The following STXBP4 variants were observed in gnomAD, a reference collection of about 807,000 sequenced individuals.
The protein encoded by STXBP4 is syntaxin-binding protein 4.
Under a neutral mutation model 76.1 loss-of-function variants are expected in STXBP4, and 55 were observed. That is an observed-to-expected ratio of 0.72 (90% CI 0.58 to 0.91). STXBP4 has a LOEUF of 0.91. Among genes scored for constraint, STXBP4 ranks in the 40% least tolerant of loss-of-function variants. The pLI is 0.00. For synonymous variants in STXBP4, 201 were observed against 220.2 expected, an observed-to-expected ratio of 0.91 and a Z score of 0.77; for missense variants, 618 against 636.9, an observed-to-expected ratio of 0.97 and a Z score of 0.32.
chr17:55,156,227 A>C (rs780295653), intron 17 of STXBP4, among the ~76,000 whole-genome samples: 1 of 152,188 alleles, frequency 6.6e-6, no homozygotes, highest in Non-Finnish European at 1.5e-5. Flanking sequence ...TTTATGAACC[A>C]TGGGGTCTTT....
intron 12 of STXBP4, among the ~76,000 whole-genome samples, chr17:55,063,964 G>A (rs1567744705): frequency 6.6e-6 from 1 of 152,114 alleles, no homozygotes; most frequent in Non-Finnish European, 1.5e-5. Context: ...TACCCAAGGA[G>A]GAAGTAGTGA....
At chr17:55,147,398 C>T (rs244322) in intron 17 of STXBP4, among the ~76,000 whole-genome samples, 51,742 of 152,092 alleles carry the variant, frequency 0.34, 9,224 homozygotes, top group African/African-American at 0.46. Flanking sequence ...CAGTAGTACT[C>T]GCTTGCCCGG....
intron 9 of STXBP4, among the ~76,000 whole-genome samples, chr17:55,032,215 A>G (rs1366327897): frequency 6.6e-6 from 1 of 152,128 alleles, no homozygotes; most frequent in East Asian, 1.9e-4. Flanking sequence ...TAGATGTAAC[A>G]TTGTATTATT....
intron 16 of STXBP4, among the ~76,000 whole-genome samples, chr17:55,112,055 A>G (rs1343805261): frequency 6.6e-6 from 1 of 151,690 alleles, no homozygotes; most frequent in Non-Finnish European, 1.5e-5. Flanking sequence ...AACTAGGACT[A>G]TAGGTGCACA....
chr17:55,170,301 A>T lies in STXBP4; in HGVS notation c.*10390A>T, dbSNP rs1202272641. 6.6e-6 allele frequency: 1 copy of T among 152,222 alleles called. No homozygotes were observed. Among genetic ancestry groups the T allele is most frequent in the African/African-American group, 2.4e-5 (1 of 41,462 alleles). 9.4% of individuals were successfully genotyped at this position (152,222 alleles called of 1,614,324 possible). ...TAAATAAAATATGGTATCTAACATG[A>T]TAGAAAATGTTTACTAATGTTTAAT... On this transcript the variant is annotated 3_prime_UTR_variant, in exon 18 of 18. Transcript: ENST00000376352.
chr17:55,165,069 C>T lies in STXBP4; in HGVS notation c.*5158C>T, dbSNP rs1448755852. The T allele has an allele frequency of 1.3e-5, 2 of 152,164 alleles. No individual in the cohort carries two copies. Among genetic ancestry groups the T allele is most frequent in the East Asian group, 3.9e-4 (2 of 5,194 alleles). The allele number at this position is 152,164 out of a possible 1,614,324, so 9.4% of individuals were successfully genotyped here. On this transcript the variant is annotated 3_prime_UTR_variant, in exon 18 of 18. Coordinates refer to ENST00000376352, the MANE Select transcript of STXBP4 (RefSeq NM_178509.6). ...CATTCTTTATCAGATATTTGAACTA[C>T]TGGACCATTTAATGTTCATTACGTT...
At chr17:55,013,377 T>C (rs568203488) in intron 8 of STXBP4, among the ~76,000 whole-genome samples, 2 of 152,250 alleles carry the variant, frequency 1.3e-5, no homozygotes, top group Non-Finnish European at 2.9e-5. Context: ...TAAATGGGTA[T>C]TGGCTTTCTG....
At chr17:55,111,361 TA>T (rs1270030274) in intron 16 of STXBP4, among the ~76,000 whole-genome samples, 3 of 152,218 alleles carry the variant, frequency 2.0e-5, no homozygotes, top group African/African-American at 7.2e-5. Flanking sequence ...AGTGTTTTTG[TA>T]GTTCTTTAAA....
At chr17:55,054,278 GA>G (rs1295798714) in intron 12 of STXBP4, among the ~76,000 whole-genome samples, 1 of 152,188 alleles carries the variant, frequency 6.6e-6, no homozygotes, top group African/African-American at 2.4e-5. Context: ...CTTGAGGCCA[GA>G]AGTTCAAAAC....
At chr17:55,070,148 A>G (rs1031260254) in intron 12 of STXBP4, among the ~76,000 whole-genome samples, 17 of 152,164 alleles carry the variant, frequency 1.1e-4, no homozygotes, top group African/African-American at 4.1e-4. Context: ...TAGACTGCCA[A>G]ATCTTAGCTC....
intron 10 of STXBP4, among the ~76,000 whole-genome samples, chr17:55,041,681 G>A (rs1371410873): frequency 6.6e-6 from 1 of 152,178 alleles, no homozygotes; most frequent in Admixed American, 6.5e-5. Flanking sequence ...GCAGGGTAAG[G>A]AGGTTGGGGG....
chr17:55,049,892 G>C (rs2078837096), intron 12 of STXBP4, among the ~76,000 whole-genome samples: 2 of 152,012 alleles, frequency 1.3e-5, no homozygotes, highest in African/African-American at 4.8e-5. Flanking sequence ...AAAAGGACCA[G>C]GCAAGATGGT....
downstream of STXBP4, among the ~76,000 whole-genome samples, chr17:55,177,465 A>G (rs192338230): frequency 1.1e-3 from 169 of 152,340 alleles, 4 homozygotes; most frequent in Admixed American, 9.1e-3. Flanking sequence ...CATAATTCCA[A>G]ATAACATGAT....
chr17:55,051,437 T>A (rs914697088), intron 12 of STXBP4, among the ~76,000 whole-genome samples: 1 of 152,108 alleles, frequency 6.6e-6, no homozygotes, highest in African/African-American at 2.4e-5. Flanking sequence ...GTCCTAAACC[T>A]TTTTTTGTTT....
chr17:55,064,844 G>T (rs2079031898), intron 12 of STXBP4, among the ~76,000 whole-genome samples: 1 of 151,878 alleles, frequency 6.6e-6, no homozygotes, highest in Non-Finnish European at 1.5e-5. Flanking sequence ...TTGTCTTTAT[G>T]ATTTTTCGTT....
chr17:55,051,040 G>T (rs1406858619), intron 12 of STXBP4, among the ~76,000 whole-genome samples: 1 of 152,024 alleles, frequency 6.6e-6, no homozygotes, highest in Non-Finnish European at 1.5e-5. Context: ...AAATACACCT[G>T]CCTATTTTTG....
chr17:54,968,785 G>T lies in STXBP4; in HGVS notation c.-187G>T, dbSNP rs1598126504. 1.1e-6 allele frequency: 1 copy of T among 948,358 alleles called. No homozygotes were observed. The highest frequency in any genetic ancestry group is 1.6e-6 in the Non-Finnish European group (1 of 636,420). 58.7% of individuals were successfully genotyped at this position (948,358 alleles called of 1,614,324 possible). A position where few individuals can be genotyped will look rare whatever the true frequency, so the allele number is the denominator to read the frequency against. ...TCCTCAGGTGGCAGCGCTTGCAGTCGGGCTACGGAGGCCGGGTTGCCAGAT... is the reference window on the plus strand; with the variant it reads ...TCCTCAGGTGGCAGCGCTTGCAGTCTGGCTACGGAGGCCGGGTTGCCAGAT... On this transcript the variant is annotated 5_prime_UTR_variant, in exon 1 of 18. Transcript: ENST00000376352.
At chr17:55,203,414 A>T in the STXBP4 span, among the ~76,000 whole-genome samples, 1 of 152,120 alleles carries the variant, frequency 6.6e-6, no homozygotes, top group East Asian at 1.9e-4. Flanking sequence ...ATGTCATTTT[A>T]AAAAAACGAC....
chr17:55,037,043 C>T (rs1275336687), intron 10 of STXBP4, among the ~76,000 whole-genome samples: 1 of 152,024 alleles, frequency 6.6e-6, no homozygotes, highest in African/African-American at 2.4e-5. Context: ...GCATGTTGCC[C>T]ATTGCAATCA....
Sources: allele counts gnomAD v4.1 joint callset (sites outside exome capture counted in the v4.1 genomes callset), GRCh38; gene constraint gnomAD v4.1.1; transcripts MANE v1.5; gene names NCBI Gene and HGNC (gene_info 2026-07-23, HGNC 2026-07-21).